Variants in SCHIP1 observed in about 807,000 individuals in gnomAD.
The protein encoded by SCHIP1 is schwannomin interacting protein 1.
In SCHIP1, 8 loss-of-function variants were observed where a neutral mutation model predicts 29.7. That is an observed-to-expected ratio of 0.27 (90% CI 0.16 to 0.49). The LOEUF is 0.49. Among genes scored for constraint, SCHIP1 ranks in the 20% least tolerant of loss-of-function variants. The pLI is 0.99. For missense variants in SCHIP1, 193 were observed against 294.6 expected, an observed-to-expected ratio of 0.66 and a Z score of 2.52; for synonymous variants, 76 against 94.9, an observed-to-expected ratio of 0.80 and a Z score of 1.16.
At chr3:159,425,387 C>G in the SCHIP1 span, among the ~76,000 whole-genome samples, 27 of 150,278 alleles carry the variant, frequency 1.8e-4, no homozygotes, top group African/African-American at 5.3e-4. Flanking sequence ...GCAGGGGTTG[C>G]AATCCTAGTC....
chr3:159,390,468 A>T, the SCHIP1 span, among the ~76,000 whole-genome samples: 2 of 152,088 alleles, frequency 1.3e-5, no homozygotes, highest in East Asian at 3.8e-4. Context: ...TCTTATCTCA[A>T]GGTCCTTCAA....
At chr3:159,791,577 T>C in the SCHIP1 span, among the ~76,000 whole-genome samples, 63 of 152,176 alleles carry the variant, frequency 4.1e-4, no homozygotes, top group African/African-American at 1.5e-3. Context: ...CCTACAGGAG[T>C]TGGGCCCTCC....
intron 2 of SCHIP1, among the ~76,000 whole-genome samples, chr3:159,879,106 GTAA>G (rs1716181652): frequency 6.6e-6 from 1 of 151,874 alleles, no homozygotes; most frequent in Non-Finnish European, 1.5e-5. Flanking sequence ...TTCATCTAAT[GTAA>G]TAATATTGGA....
At chr3:159,605,712 AAAGTT>A in the SCHIP1 span, among the ~76,000 whole-genome samples, 1 of 152,222 alleles carries the variant, frequency 6.6e-6, no homozygotes, top group Non-Finnish European at 1.5e-5. Context: ...CTGATGAATC[AAAGTT>A]AAGGCTTATT....
At chr3:159,412,814 A>G in the SCHIP1 span, among the ~76,000 whole-genome samples, 2 of 152,184 alleles carry the variant, frequency 1.3e-5, no homozygotes, top group African/African-American at 2.4e-5. Context: ...ATCTGCAGCA[A>G]TGGATCTTTA....
chr3:159,856,300 T>C (rs1713353763), intron 1 of SCHIP1, among the ~76,000 whole-genome samples: 1 of 152,158 alleles, frequency 6.6e-6, no homozygotes, highest in African/African-American at 2.4e-5. Context: ...GAGCTGACCG[T>C]CCCAATGGGG....
the SCHIP1 span, among the ~76,000 whole-genome samples, chr3:159,638,242 A>G: frequency 3.3e-5 from 5 of 152,214 alleles, no homozygotes; most frequent in Non-Finnish European, 7.3e-5. Flanking sequence ...TAGACTGGAT[A>G]ACCTCTAAGG....
chr3:159,432,117 T>C, the SCHIP1 span, among the ~76,000 whole-genome samples: 3 of 152,106 alleles, frequency 2.0e-5, no homozygotes, highest in African/African-American at 4.8e-5. Context: ...AGACGTTGAC[T>C]GGAGCTAAAC....
chr3:159,726,787 G>C, the SCHIP1 span, among the ~76,000 whole-genome samples: 2 of 152,168 alleles, frequency 1.3e-5, no homozygotes, highest in African/African-American at 4.8e-5. Context: ...AAAAGCCTCT[G>C]TGCCATTTCC....
chr3:159,539,627 T>A, the SCHIP1 span, among the ~76,000 whole-genome samples: 1 of 135,682 alleles, frequency 7.4e-6, no homozygotes, highest in Non-Finnish European at 1.7e-5. Flanking sequence ...CTGTGGAATA[T>A]CTATACTATG....
At chr3:159,845,382 CTTT>C (rs11344098) in intron 1 of SCHIP1, 13 of 140,562 alleles carry the variant, frequency 9.2e-5, no homozygotes, top group Non-Finnish European at 1.2e-4. Context: ...CAAGCTTCTT[CTTT>C]TTTTTTTTTT....
the SCHIP1 span, among the ~76,000 whole-genome samples, chr3:159,680,618 A>G: frequency 2.0e-5 from 2 of 99,396 alleles, no homozygotes; most frequent in East Asian, 2.3e-4. Flanking sequence ...ATATATGTAT[A>G]TATAATATAT....
chr3:159,530,662 A>G, the SCHIP1 span, among the ~76,000 whole-genome samples: 1 of 152,156 alleles, frequency 6.6e-6, no homozygotes. Flanking sequence ...CTCCACGGAA[A>G]TAAGAGTAAC....
At chr3:159,620,815 T>C in the SCHIP1 span, among the ~76,000 whole-genome samples, 1 of 152,234 alleles carries the variant, frequency 6.6e-6, no homozygotes, top group African/African-American at 2.4e-5. Context: ...TGGAGGATCA[T>C]GAGCAAAGCC....
At chr3:159,422,785 T>C in the SCHIP1 span, among the ~76,000 whole-genome samples, 1 of 152,236 alleles carries the variant, frequency 6.6e-6, no homozygotes, top group Non-Finnish European at 1.5e-5. Context: ...AGGTCACTTA[T>C]TCTCATTGCT....
chr3:159,844,123 T>C (rs1560078612), intron 1 of SCHIP1, among the ~76,000 whole-genome samples: 1 of 152,212 alleles, frequency 6.6e-6, no homozygotes, highest in South Asian at 2.1e-4. Context: ...TGTCATTTCT[T>C]CTGAGCACAT....
chr3:159,556,773 T>C, the SCHIP1 span, among the ~76,000 whole-genome samples: 1 of 54,968 alleles, frequency 1.8e-5, no homozygotes, highest in Non-Finnish European at 3.2e-5. Context: ...TGTTGTGGGG[T>C]GGGGGGAGGG....
chr3:159,611,856 G>A, the SCHIP1 span, among the ~76,000 whole-genome samples: 1 of 151,952 alleles, frequency 6.6e-6, no homozygotes, highest in Non-Finnish European at 1.5e-5. Context: ...GTATTGCTGG[G>A]TTTCAGTGTC....
At chr3:159,354,224 C>T in the SCHIP1 span, among the ~76,000 whole-genome samples, 2 of 152,122 alleles carry the variant, frequency 1.3e-5, no homozygotes, top group African/African-American at 4.8e-5. Context: ...ATTTAGTCAG[C>T]TTTTACTGAA....
Sources: gnomAD v4.1 joint callset for allele counts (sites outside exome capture counted in the v4.1 genomes callset) on GRCh38, gnomAD v4.1.1 for gene constraint, MANE v1.5 for transcripts, NCBI Gene and HGNC (gene_info 2026-07-23, HGNC 2026-07-21) for gene names.